Variants in ANK3 observed in about 807,000 individuals in gnomAD.
ANK3 encodes ankyrin 3.
ANK3 carries 57 observed loss-of-function variants against 370.9 expected under a neutral mutation model. The ratio of observed to expected loss-of-function variants is 0.15; its 90% CI spans 0.12 to 0.19. The LOEUF (loss-of-function observed/expected upper bound fraction) is 0.19. ANK3 is among the 10% of genes least tolerant of loss of function. The pLI, the probability that ANK3 is intolerant of heterozygous loss-of-function variation, is 1.00. For synonymous variants in ANK3, 1,929 were observed against 1,946.3 expected, an observed-to-expected ratio of 0.99 and a Z score of 0.23; for missense variants, 4,439 against 5,302.1, an observed-to-expected ratio of 0.84 and a Z score of 5.06.
At chr10:60,162,006 AT>A (rs2095512874) in intron 23 of ANK3, among the ~76,000 whole-genome samples, 1 of 152,206 alleles carries the variant, frequency 6.6e-6, no homozygotes, top group African/African-American at 2.4e-5. Flanking sequence ...TTGTATCAAA[AT>A]ATCACATATA....
chr10:60,114,392 CACATATA>C, intron 25 of ANK3, 61 bp from the exon 26 acceptor site: 1 of 854,966 alleles, frequency 1.2e-6, no homozygotes, highest in Non-Finnish European at 1.9e-6. Flanking sequence ...GATTTCTCTA[CACATATA>C]AAATATATTT....
intron 21 of ANK3, 88 bp downstream of exon 21, chr10:60,172,220 T>C (rs1265054379): frequency 1.3e-5 from 13 of 1,015,092 alleles, no homozygotes; most frequent in Non-Finnish European, 1.7e-5. Context: ...AGTTTATGAA[T>C]GGGAAAAAAT....
chr10:60,251,782 A>G (rs148072192), intron 7 of ANK3, among the ~76,000 whole-genome samples: 64 of 152,296 alleles, frequency 4.2e-4, no homozygotes, highest in African/African-American at 1.5e-3. Flanking sequence ...CTTATACACT[A>G]CTGCCATCAT....
intron 1 of ANK3, among the ~76,000 whole-genome samples, chr10:60,307,513 A>G (rs1235550201): frequency 1.4e-5 from 2 of 147,214 alleles, no homozygotes; most frequent in Admixed American, 1.3e-4. Context: ...TTTTTTTTTT[A>G]ATTTTTAGTA....
intron 42 of ANK3, among the ~76,000 whole-genome samples, chr10:60,050,007 G>A (rs746298109): frequency 3.3e-5 from 5 of 152,158 alleles, no homozygotes; most frequent in Admixed American, 6.5e-5. Flanking sequence ...GATATGTTAA[G>A]CATAAAAGAC....
intron 2 of ANK3, among the ~76,000 whole-genome samples, chr10:60,436,506 G>A (rs944763401): frequency 6.6e-6 from 1 of 152,136 alleles, no homozygotes; most frequent in Non-Finnish European, 1.5e-5. Flanking sequence ...ATTCTAGTTG[G>A]TGTAAAATGA....
intron 40 of ANK3, 200 bp downstream of exon 40, chr10:60,062,911 A>AT: frequency 2.3e-6 from 1 of 441,870 alleles, no homozygotes; most frequent in Non-Finnish European, 3.9e-6. Flanking sequence ...TTTATATTGT[A>AT]TATTTATATT....
At chr10:60,541,685 G>A (rs557888066) in intron 2 of ANK3, among the ~76,000 whole-genome samples, 1 of 151,960 alleles carries the variant, frequency 6.6e-6, no homozygotes, top group African/African-American at 2.4e-5. Context: ...CTAAAAGTGT[G>A]GCTAAAGATG....
At chr10:60,677,045 T>A (rs1466063503) in intron 1 of ANK3, among the ~76,000 whole-genome samples, 1 of 152,200 alleles carries the variant, frequency 6.6e-6, no homozygotes, top group Non-Finnish European at 1.5e-5. Flanking sequence ...AAACTTTTTT[T>A]AAGAATCTGA....
intron 16 of ANK3, among the ~76,000 whole-genome samples, 182 bp downstream of exon 16, chr10:60,195,963 T>C (rs2096579904): frequency 6.6e-6 from 1 of 152,230 alleles, no homozygotes; most frequent in Admixed American, 6.5e-5. Context: ...ATTTCCTGAG[T>C]ATCTACCATA....
chr10:60,301,118 C>T (rs1337417443), intron 1 of ANK3, among the ~76,000 whole-genome samples: 1 of 141,106 alleles, frequency 7.1e-6, no homozygotes, highest in Non-Finnish European at 1.5e-5. Context: ...TCATTGAATA[C>T]TTCCGATATA....
intron 2 of ANK3, among the ~76,000 whole-genome samples, chr10:60,518,658 C>G (rs2076279648): frequency 1.3e-5 from 2 of 152,138 alleles, no homozygotes. Context: ...CCCTCCCTTC[C>G]AACTCCCAAT....
rs536701105 is a variant in ANK3, at chr10:60,196,629, A to C, written c.1690-4T>G. 9.4e-7 allele frequency: 1 copy of C among 1,062,260 alleles called. No homozygotes were observed. The highest frequency in any genetic ancestry group is 1.3e-6 in the Non-Finnish European group (1 of 792,616). 65.8% of individuals were successfully genotyped at this position (1,062,260 alleles called of 1,614,324 possible). ...CATGAAGAGGAGTAAATCCTTTCTG[A>C]AAAAAAAAAAACATAAAAATAATGA... On this transcript the variant is annotated splice_region_variant and splice_polypyrimidine_tract_variant and intron_variant, in intron 14 of 43. Coordinates refer to ENST00000280772, the MANE Select transcript of ANK3 (RefSeq NM_020987.5).
chr10:60,146,457 T>A (rs1025902777), intron 23 of ANK3, among the ~76,000 whole-genome samples: 3 of 151,976 alleles, frequency 2.0e-5, no homozygotes, highest in Non-Finnish European at 4.4e-5. Flanking sequence ...TCTCCCACCC[T>A]CCACCCCCAA....
intron 1 of ANK3, among the ~76,000 whole-genome samples, chr10:60,302,584 C>A (rs922609828): frequency 1.3e-5 from 2 of 152,066 alleles, no homozygotes; most frequent in Non-Finnish European, 2.9e-5. Context: ...CAAGAACTTG[C>A]CAAGGTCAGC....
At chr10:60,456,381 C>A (rs960465906) in intron 2 of ANK3, among the ~76,000 whole-genome samples, 1 of 152,168 alleles carries the variant, frequency 6.6e-6, no homozygotes, top group African/African-American at 2.4e-5. Context: ...ATAATTTACA[C>A]TGTAAAAACA....
At chr10:60,698,602 C>T (rs531198221) in intron 1 of ANK3, among the ~76,000 whole-genome samples, 183 of 148,696 alleles carry the variant, frequency 1.2e-3, no homozygotes, top group African/African-American at 3.9e-3. Flanking sequence ...GTCCTTTGTA[C>T]GGACATGGAT....
chr10:60,706,507 G>A (rs1454261891), intron 1 of ANK3, among the ~76,000 whole-genome samples: 6 of 151,712 alleles, frequency 4.0e-5, no homozygotes, highest in Admixed American at 3.9e-4. Context: ...AATACTCTTA[G>A]TCTGTAAGAG....
chr10:60,363,983 T>G (rs202226553), intron 1 of ANK3, among the ~76,000 whole-genome samples: 1,940 of 150,064 alleles, frequency 0.013, 42 homozygotes, highest in East Asian at 0.07. Context: ...TTTTTTTTTT[T>G]TTTTTTTTTT....
Sources: gnomAD v4.1 joint callset for allele counts (sites outside exome capture counted in the v4.1 genomes callset) on GRCh38, gnomAD v4.1.1 for gene constraint, MANE v1.5 for transcripts, NCBI Gene and HGNC (gene_info 2026-07-23, HGNC 2026-07-21) for gene names.